PKP4: variants seen among roughly 807,000 people sequenced by gnomAD.
The protein encoded by PKP4 is plakophilin 4, also known as plakophilin-4.
PKP4 carries 90 observed loss-of-function variants against 145.1 expected under a neutral mutation model. The observed-to-expected ratio is 0.62, with a 90% CI of 0.52 to 0.74. The LOEUF (loss-of-function observed/expected upper bound fraction) is 0.74. PKP4 is among the 30% of genes least tolerant of loss of function. The pLI, the probability that PKP4 is intolerant of heterozygous loss-of-function variation, is 0.00. For synonymous variants in PKP4, 563 were observed against 577.2 expected, an observed-to-expected ratio of 0.98 and a Z score of 0.35; for missense variants, 1,340 against 1,482.7, an observed-to-expected ratio of 0.90 and a Z score of 1.58.
chr2:158,661,590 T>G, intron 13 of PKP4, 140 bp downstream of exon 13: 1 of 617,734 alleles, frequency 1.6e-6, no homozygotes, highest in Non-Finnish European at 3.0e-6. Context: ...AAAGGGCAAG[T>G]CTCCAAAGTT....
At chr2:158,528,856 C>T (rs1325841009) in intron 1 of PKP4, among the ~76,000 whole-genome samples, 2 of 152,268 alleles carry the variant, frequency 1.3e-5, no homozygotes, top group Admixed American at 6.5e-5. Context: ...AGCATTCCCT[C>T]AGGAAAAGCC....
intron 14 of PKP4, 44 bp from the exon 15 acceptor site, chr2:158,663,228 A>G (rs1394018107): frequency 6.3e-7 from 1 of 1,580,606 alleles, no homozygotes; most frequent in Non-Finnish European, 8.6e-7. Flanking sequence ...ATTGGAGATC[A>G]TGTTCATTCT....
At chr2:158,635,488 A>G (rs1442504276) in intron 9 of PKP4, among the ~76,000 whole-genome samples, 1 of 152,174 alleles carries the variant, frequency 6.6e-6, no homozygotes, top group East Asian at 1.9e-4. Flanking sequence ...TAGATGCAGA[A>G]ATTCCCAAAA....
intron 1 of PKP4, among the ~76,000 whole-genome samples, chr2:158,523,976 A>G (rs1374243195): frequency 1.4e-5 from 1 of 72,626 alleles, no homozygotes; most frequent in Non-Finnish European, 2.6e-5. Flanking sequence ...GAAATATGGG[A>G]CTATGTGAAA....
chr2:158,650,544 A>G lies in PKP4; in HGVS notation c.1910-7587A>G, dbSNP rs76895389. Among the ~76,000 whole-genome samples, 9 of 152,300 alleles carry G rather than the reference A, an allele frequency of 5.9e-5. No homozygotes were observed. The East Asian group carries it at 1.7e-3, about 29-fold the overall frequency. ...GGCACTAAAGATCTATCTTGTCCCA[A>G]CTGGGGACAAATTTCAGCAGCAGGA... On this transcript the variant is annotated intron_variant, in intron 11 of 21. Transcript: ENST00000389759.
chr2:158,555,127 G>A (rs944311837), intron 2 of PKP4, among the ~76,000 whole-genome samples: 5 of 152,152 alleles, frequency 3.3e-5, no homozygotes, highest in Non-Finnish European at 7.4e-5. Flanking sequence ...AGGCTCCTAA[G>A]AAGGCAACAT....
intron 3 of PKP4, among the ~76,000 whole-genome samples, chr2:158,601,078 G>C (rs1217439644): frequency 6.6e-6 from 1 of 152,128 alleles, no homozygotes; most frequent in African/African-American, 2.4e-5. Context: ...TAAAGAACTT[G>C]ATTTTTTCAC....
At chr2:158,601,072 G>T (rs1025967998) in intron 3 of PKP4, among the ~76,000 whole-genome samples, 1 of 152,100 alleles carries the variant, frequency 6.6e-6, no homozygotes, top group East Asian at 1.9e-4. Context: ...AAACATTAAA[G>T]AACTTGATTT....
intron 17 of PKP4, among the ~76,000 whole-genome samples, 191 bp downstream of exon 17, chr2:158,670,106 ATT>A: frequency 6.6e-6 from 1 of 152,214 alleles, no homozygotes; most frequent in East Asian, 1.9e-4. Flanking sequence ...TATGGGGCCT[ATT>A]TTTGGTTTTC....
intron 1 of PKP4, among the ~76,000 whole-genome samples, chr2:158,494,205 A>G (rs1277891315): frequency 6.6e-6 from 1 of 152,054 alleles, no homozygotes; most frequent in Admixed American, 6.6e-5. Context: ...CTATGTTTCT[A>G]CTACTCTAGG....
At chr2:158,609,610 T>C (rs1028244615) in intron 4 of PKP4, among the ~76,000 whole-genome samples, 1 of 152,244 alleles carries the variant, frequency 6.6e-6, no homozygotes. Context: ...TGCAATGGTT[T>C]GATCACTGCT....
At chr2:158,539,805 G>T (rs2044360710) in intron 2 of PKP4, among the ~76,000 whole-genome samples, 1 of 152,224 alleles carries the variant, frequency 6.6e-6, no homozygotes, top group Non-Finnish European at 1.5e-5. Context: ...TTGTGACACT[G>T]TTTGGCTTGT....
At chr2:158,670,757 A>T (rs2057484465) in intron 17 of PKP4, among the ~76,000 whole-genome samples, 1 of 152,168 alleles carries the variant, frequency 6.6e-6, no homozygotes, top group Non-Finnish European at 1.5e-5. Context: ...TGGCCTCAGG[A>T]TGTGCCCCAG....
intron 2 of PKP4, among the ~76,000 whole-genome samples, chr2:158,534,176 T>G (rs1363019101): frequency 6.6e-6 from 1 of 152,202 alleles, no homozygotes; most frequent in African/African-American, 2.4e-5. Context: ...GCTGGGATAT[T>G]CCTTTGAAAG....
chr2:158,536,653 G>C (rs2044072721), intron 2 of PKP4, among the ~76,000 whole-genome samples: 1 of 152,178 alleles, frequency 6.6e-6, no homozygotes, highest in Admixed American at 6.5e-5. Context: ...TCCAGTGCCA[G>C]AAGCTAGCTG....
chr2:158,588,370 T>A (rs2048981400), intron 3 of PKP4: 1 of 152,160 alleles, frequency 6.6e-6, no homozygotes, highest in Non-Finnish European at 1.5e-5. Context: ...TTGAACAGGC[T>A]CTTTAATTTT....
intron 20 of PKP4, among the ~76,000 whole-genome samples, chr2:158,678,224 C>CCTCA (rs935301272): frequency 3.9e-5 from 6 of 152,216 alleles, no homozygotes; most frequent in African/African-American, 1.2e-4. Flanking sequence ...AAGGAGTGTT[C>CCTCA]CTCAGCTCAG....
At chr2:158,486,829 A>G (rs1339560311) in intron 1 of PKP4, among the ~76,000 whole-genome samples, 1 of 152,254 alleles carries the variant, frequency 6.6e-6, no homozygotes, top group African/African-American at 2.4e-5. Flanking sequence ...AAGCATGAGC[A>G]GCTTGAGGCT....
At chr2:158,475,173 C>A (rs1406781265) in intron 1 of PKP4, among the ~76,000 whole-genome samples, 1 of 152,112 alleles carries the variant, frequency 6.6e-6, no homozygotes, top group Non-Finnish European at 1.5e-5. Flanking sequence ...AAGTTAGATA[C>A]TTTTATAGCT....
Sources: allele counts gnomAD v4.1 joint callset (sites outside exome capture counted in the v4.1 genomes callset), GRCh38; gene constraint gnomAD v4.1.1; transcripts MANE v1.5; gene names NCBI Gene and HGNC (gene_info 2026-07-23, HGNC 2026-07-21).